The following GABRB1 variants were observed in gnomAD, a reference collection of about 807,000 sequenced individuals.
GABRB1 encodes gamma-aminobutyric acid type A receptor subunit beta1.
Under a neutral mutation model 51.6 loss-of-function variants are expected in GABRB1, and 17 were observed. The observed-to-expected ratio is 0.33, with a 90% CI of 0.23 to 0.49. The LOEUF is 0.49. Ranked by LOEUF, GABRB1 falls within the 20% of genes least tolerant of loss-of-function variation. The pLI, the probability that GABRB1 is intolerant of heterozygous loss-of-function variation, is 0.99. For missense variants in GABRB1, 410 were observed against 600.6 expected (o/e 0.68, Z 3.32); for synonymous variants, 247 against 218.9 (o/e 1.13, Z -1.14).
chr4:47,317,691 C>G (rs1724941949), intron 4 of GABRB1, among the ~76,000 whole-genome samples: 1 of 151,868 alleles, frequency 6.6e-6, no homozygotes, highest in Admixed American at 6.6e-5. Context: ...ATGTTCATAT[C>G]TGTGAGCTTT....
In GABRB1 at chr4:47,146,193, T is replaced by A. The variant is rs533339784; in HGVS notation, c.241-15056T>A. Among the ~76,000 whole-genome samples, 40 of 152,046 alleles carry A rather than the reference T, an allele frequency of 2.6e-4. No homozygotes were observed. In the South Asian group the frequency reaches 5.0e-3, roughly 19 times the overall value. On this transcript the variant is annotated intron_variant, in intron 3 of 8. Transcript: ENST00000295454. ...TGTATCTTCCAGAATTTACATTTTT[T>A]AAAAAAAATTTGCTGAGCCAGAAGT...
In GABRB1 at chr4:47,077,820, A is replaced by T. The variant is rs909325485; in HGVS notation, c.240+45336A>T. Among the ~76,000 whole-genome samples, 192 of 139,980 alleles carry T rather than the reference A, an allele frequency of 1.4e-3. 3 individuals carry two copies. The highest frequency in any genetic ancestry group is 2.2e-3 in the Non-Finnish European group (146 of 66,010). 91.8% of individuals were successfully genotyped at this position (139,980 alleles called of 152,430 possible). A position where few individuals can be genotyped will look rare whatever the true frequency, so the allele number is the denominator to read the frequency against. On this transcript the variant is annotated intron_variant, in intron 3 of 8. Coordinates refer to ENST00000295454, the MANE Select transcript of GABRB1 (RefSeq NM_000812.4). ...ATTAATAATTAGAAACATATAAAAA[A>T]ATATAATATATATTATATATTTTAT...
intron 4 of GABRB1, among the ~76,000 whole-genome samples, chr4:47,302,178 A>G (rs893249562): frequency 1.3e-5 from 2 of 152,150 alleles, no homozygotes; most frequent in Admixed American, 1.3e-4. Context: ...CCCAATGTAC[A>G]GGGGAGATAC....
chr4:47,216,301 T>C (rs1720553267), intron 4 of GABRB1, among the ~76,000 whole-genome samples: 1 of 151,906 alleles, frequency 6.6e-6, no homozygotes, highest in Admixed American at 6.6e-5. Context: ...AGGGTATCCT[T>C]TACCCTGTGT....
rs112586074 is a variant in GABRB1 at position 47,120,902 on chromosome 4, A to T, written c.241-40347A>T. Among the ~76,000 whole-genome samples, 1,305 of 151,970 alleles carry T rather than the reference A, an allele frequency of 8.6e-3. 13 individuals are homozygous for T. The highest frequency in any genetic ancestry group is 0.029 in the African/African-American group (1,219 of 41,418). On this transcript the variant is annotated intron_variant, in intron 3 of 8. Coordinates refer to ENST00000295454, the MANE Select transcript of GABRB1 (RefSeq NM_000812.4). Reference sequence around the variant, plus strand: ...CCTCTTCTGAAGCAGAAGAAAGGAGACTTTTCGGATCTATGAGCTGTGCTG... The same window carrying T: ...CCTCTTCTGAAGCAGAAGAAAGGAGTCTTTTCGGATCTATGAGCTGTGCTG...
At chr4:47,210,369 T>C (rs182554686) in intron 4 of GABRB1, among the ~76,000 whole-genome samples, 1 of 152,278 alleles carries the variant, frequency 6.6e-6, no homozygotes, top group Non-Finnish European at 1.5e-5. Context: ...AATGTATTTA[T>C]AGAATGATAA....
intron 4 of GABRB1, among the ~76,000 whole-genome samples, chr4:47,283,511 G>A (rs1369703830): frequency 6.7e-6 from 1 of 149,730 alleles, no homozygotes; most frequent in African/African-American, 2.5e-5. Flanking sequence ...TCAGCCTCCC[G>A]AGTAGCTGGG....
chr4:47,359,004 T>A (rs1726699426), intron 5 of GABRB1, among the ~76,000 whole-genome samples: 1 of 152,044 alleles, frequency 6.6e-6, no homozygotes, highest in Admixed American at 6.6e-5. Flanking sequence ...GGGATGATGA[T>A]GCCCAACTAC....
intron 4 of GABRB1, among the ~76,000 whole-genome samples, chr4:47,200,351 G>T (rs1719851330): frequency 2.0e-5 from 3 of 152,130 alleles, no homozygotes; most frequent in Non-Finnish European, 4.4e-5. Flanking sequence ...AGTTGACAAG[G>T]TCATTGCAGA....
At chr4:47,362,517 T>C (rs1488064786) in intron 5 of GABRB1, among the ~76,000 whole-genome samples, 1 of 152,142 alleles carries the variant, frequency 6.6e-6, no homozygotes, top group Non-Finnish European at 1.5e-5. Flanking sequence ...TTCGAAGGTT[T>C]GAGTAGTTTG....
chr4:47,264,794 C>T (rs915417368), intron 4 of GABRB1, among the ~76,000 whole-genome samples: 1 of 152,156 alleles, frequency 6.6e-6, no homozygotes, highest in Admixed American at 6.5e-5. Context: ...TTTCCTTTTA[C>T]GCTTCTGCAA....
intron 3 of GABRB1, among the ~76,000 whole-genome samples, chr4:47,148,463 A>G (rs999074580): frequency 6.6e-6 from 1 of 152,112 alleles, no homozygotes; most frequent in Non-Finnish European, 1.5e-5. Flanking sequence ...CTCTAAGCAC[A>G]TAACAATATT....
At chr4:47,084,319 T>C (rs1379046415) in intron 3 of GABRB1, among the ~76,000 whole-genome samples, 1 of 152,234 alleles carries the variant, frequency 6.6e-6, no homozygotes, top group Non-Finnish European at 1.5e-5. Context: ...AGCCATCAAC[T>C]GGTAATCAGT....
At chr4:47,422,692 A>G (rs1729129279) in intron 8 of GABRB1, among the ~76,000 whole-genome samples, 1 of 152,162 alleles carries the variant, frequency 6.6e-6, no homozygotes, top group Non-Finnish European at 1.5e-5. Context: ...CTCAGCCCCA[A>G]CATTATCCCA....
chr4:47,251,191 G>A (rs1220930991), intron 4 of GABRB1, among the ~76,000 whole-genome samples: 4 of 152,084 alleles, frequency 2.6e-5, no homozygotes, highest in Non-Finnish European at 5.9e-5. Flanking sequence ...TTTCTTGTGG[G>A]CTCAACTGCA....
intron 3 of GABRB1, among the ~76,000 whole-genome samples, chr4:47,094,675 G>A (rs1348991187): frequency 6.6e-6 from 1 of 151,554 alleles, no homozygotes. Flanking sequence ...CTTAATACTT[G>A]GGTGGTGAAA....
chr4:47,297,693 G>C lies in GABRB1; in HGVS notation c.462-22434G>C, dbSNP rs574199056. Among the ~76,000 whole-genome samples the C allele has an allele frequency of 2.5e-3, 384 of 152,290 alleles. 1 individual carries two copies. The highest frequency in any genetic ancestry group is 8.9e-3 in the African/African-American group (368 of 41,562). On this transcript the variant is annotated intron_variant, in intron 4 of 8. Coordinates refer to ENST00000295454, the MANE Select transcript of GABRB1 (RefSeq NM_000812.4). Reference sequence around the variant, plus strand: ...CTGCCAAAGGTACAAGGAGGAACTGGTACCATTCCTTCTGAAACTATTCCA... The same window carrying C: ...CTGCCAAAGGTACAAGGAGGAACTGCTACCATTCCTTCTGAAACTATTCCA...
intron 4 of GABRB1, among the ~76,000 whole-genome samples, chr4:47,182,870 C>A (rs866737060): frequency 3.9e-5 from 6 of 151,908 alleles, no homozygotes; most frequent in Non-Finnish European, 8.8e-5. Flanking sequence ...AACCTCAACA[C>A]ACAAAGCAAG....
intron 3 of GABRB1, among the ~76,000 whole-genome samples, chr4:47,095,979 A>G (rs1300176744): frequency 6.6e-6 from 1 of 152,216 alleles, no homozygotes; most frequent in Non-Finnish European, 1.5e-5. Flanking sequence ...AATGACAAGT[A>G]TCTCACTTCT....
Sources: allele counts gnomAD v4.1 joint callset (sites outside exome capture counted in the v4.1 genomes callset), GRCh38; gene constraint gnomAD v4.1.1; transcripts MANE v1.5; gene names NCBI Gene and HGNC (gene_info 2026-07-23, HGNC 2026-07-21).